The following HCN1 variants were observed in gnomAD, a reference collection of about 807,000 sequenced individuals.
The protein encoded by HCN1 is potassium/sodium hyperpolarization-activated cyclic nucleotide-gated channel 1.
A neutral mutation model predicts 78.9 loss-of-function variants in HCN1; 13 were observed. The ratio of observed to expected loss-of-function variants is 0.16; its 90% confidence interval spans 0.11 to 0.26. The LOEUF is 0.26. HCN1 is among the 10% of genes least tolerant of loss of function. The pLI, the probability that HCN1 is intolerant of heterozygous loss-of-function variation, is 1.00. For synonymous variants in HCN1, 552 were observed against 455.5 expected (o/e 1.21, Z -2.70); for missense variants, 810 against 1,154.3 (o/e 0.70, Z 4.32).
intron 4 of HCN1, among the ~76,000 whole-genome samples, chr5:45,354,114 T>C (rs1019241180): frequency 6.6e-6 from 1 of 151,854 alleles, no homozygotes; most frequent in Non-Finnish European, 1.5e-5. Context: ...AACAGGACCA[T>C]ATAAGCATGG....
At chr5:45,350,268 A>C (rs1746862426) in intron 5 of HCN1, among the ~76,000 whole-genome samples, 1 of 152,228 alleles carries the variant, frequency 6.6e-6, no homozygotes, top group African/African-American at 2.4e-5. Flanking sequence ...AACCAAAGAC[A>C]AAAACTACAT....
intron 6 of HCN1, among the ~76,000 whole-genome samples, chr5:45,285,345 C>A (rs1164906520): frequency 6.6e-6 from 1 of 151,796 alleles, no homozygotes; most frequent in Admixed American, 6.6e-5. Flanking sequence ...ATGTTATTCT[C>A]TGTGCTGGAA....
chr5:45,270,346 G>T (rs1403753613), intron 6 of HCN1, among the ~76,000 whole-genome samples: 2 of 152,128 alleles, frequency 1.3e-5, no homozygotes, highest in Admixed American at 1.3e-4. Context: ...GATTTAAAAC[G>T]GAATATTTGG....
intron 2 of HCN1, among the ~76,000 whole-genome samples, chr5:45,528,151 CTT>C (rs1388788429): frequency 5.3e-5 from 8 of 151,766 alleles, no homozygotes; most frequent in Non-Finnish European, 1.2e-4. Context: ...AAAAGATGAA[CTT>C]TTTAAGCAAT....
At chr5:45,402,865 TC>T (rs755053219) in intron 3 of HCN1, among the ~76,000 whole-genome samples, 10 of 138,024 alleles carry the variant, frequency 7.2e-5, no homozygotes, top group Non-Finnish European at 1.2e-4. Flanking sequence ...CCTTCCTTCC[TC>T]TACTTCCTTC....
In HCN1 at chr5:45,346,223, T is replaced by A. The variant is rs146837613; in HGVS notation, c.1377+6877A>T. On this transcript the variant is annotated intron_variant, in intron 5 of 7. Coordinates refer to ENST00000303230, the MANE Select transcript of HCN1 (RefSeq NM_021072.4). ...ATGTGGGAAATGTAGAAGCTACAGT[T>A]CAACATGACAGGTCATTGACAACTT... Among the ~76,000 whole-genome samples the A allele has an allele frequency of 5.3e-5, 8 of 152,290 alleles. No individual in the cohort carries two copies. In the East Asian group the frequency reaches 1.5e-3, roughly 29 times the overall value.
At chr5:45,462,043 AAT>A in intron 2 of HCN1, 36 bp from the exon 3 acceptor site, 1 of 1,563,406 alleles carries the variant, frequency 6.4e-7, no homozygotes. Context: ...TCTTATAATC[AAT>A]TTTTTAGAAA....
At chr5:45,282,399 G>T (rs897023596) in intron 6 of HCN1, among the ~76,000 whole-genome samples, 5 of 152,158 alleles carry the variant, frequency 3.3e-5, no homozygotes, top group Non-Finnish European at 5.9e-5. Flanking sequence ...TATGTGTAGT[G>T]AGTGGATTTA....
rs1010689534 is a variant in HCN1, at chr5:45,514,035, C to T, written c.850-52028G>A. Among the ~76,000 whole-genome samples, 6 of 152,056 alleles carry T rather than the reference C, an allele frequency of 3.9e-5. No homozygotes were observed. The East Asian group carries it at 1.2e-3, about 29-fold the overall frequency. Reference sequence around the variant, plus strand: ...GATAAGTTTTCACCTGCTAATTTTTCCCTGAAAGTTATAGGATAGAAACTA... The same window carrying T: ...GATAAGTTTTCACCTGCTAATTTTTTCCTGAAAGTTATAGGATAGAAACTA... On this transcript the variant is annotated intron_variant, in intron 2 of 7. Coordinates refer to ENST00000303230, the MANE Select transcript of HCN1 (RefSeq NM_021072.4).
chr5:45,611,208 A>T (rs1744828137), intron 2 of HCN1, among the ~76,000 whole-genome samples: 2 of 142,302 alleles, frequency 1.4e-5, no homozygotes, highest in Non-Finnish European at 3.0e-5. Flanking sequence ...GCATCACCAC[A>T]CCTGCCTAAC....
chr5:45,600,815 A>G (rs1744607199), intron 2 of HCN1, among the ~76,000 whole-genome samples: 1 of 152,150 alleles, frequency 6.6e-6, no homozygotes, highest in South Asian at 2.1e-4. Context: ...CCTAACTTCT[A>G]TATGGGTTAG....
In HCN1 at chr5:45,330,048, A is replaced by G. The variant is rs1746314095; in HGVS notation, c.1377+23052T>C. Reference sequence around the variant, plus strand: ...AGGTTTACGAAAAAAATGCACAATAATATAGAGTGTGTCCATGTGCCCCTT... The same window carrying G: ...AGGTTTACGAAAAAAATGCACAATAGTATAGAGTGTGTCCATGTGCCCCTT... On this transcript the variant is annotated intron_variant, in intron 5 of 7. Transcript: ENST00000303230. Among the ~76,000 whole-genome samples the G allele has an allele frequency of 2.6e-5, 4 of 151,410 alleles. No homozygotes were observed. The Admixed American group carries it at 2.6e-4, about 10-fold the overall frequency.
At chr5:45,663,639 T>A (rs1182799134) in intron 1 of HCN1, among the ~76,000 whole-genome samples, 2 of 150,238 alleles carry the variant, frequency 1.3e-5, no homozygotes, top group Non-Finnish European at 3.0e-5. Flanking sequence ...CATCAAAAAG[T>A]GGGTGAAGGA....
chr5:45,502,059 ACAGT>A (rs1248043530), intron 2 of HCN1, among the ~76,000 whole-genome samples: 1 of 152,214 alleles, frequency 6.6e-6, no homozygotes, highest in Admixed American at 6.5e-5. Context: ...TTTACTAGTC[ACAGT>A]CAGAGTATTA....
intron 2 of HCN1, among the ~76,000 whole-genome samples, chr5:45,579,569 CA>C (rs1180662505): frequency 6.6e-6 from 1 of 151,828 alleles, no homozygotes; most frequent in Non-Finnish European, 1.5e-5. Context: ...TGAGAGCTTA[CA>C]AAAATTAAAA....
intron 4 of HCN1, among the ~76,000 whole-genome samples, chr5:45,372,202 AC>A (rs1747406417): frequency 5.2e-5 from 3 of 57,984 alleles, no homozygotes; most frequent in African/African-American, 1.5e-4. Flanking sequence ...TTAATATAAT[AC>A]ATATTATATA....
At chr5:45,670,625 T>C (rs1358609590) in intron 1 of HCN1, among the ~76,000 whole-genome samples, 1 of 151,752 alleles carries the variant, frequency 6.6e-6, no homozygotes, top group Non-Finnish European at 1.5e-5. Flanking sequence ...CTCAATTTAC[T>C]CTGCTGTAAC....
intron 1 of HCN1, among the ~76,000 whole-genome samples, chr5:45,665,145 G>T (rs1288759013): frequency 2.1e-4 from 32 of 151,998 alleles, no homozygotes; most frequent in Non-Finnish European, 2.2e-4. Flanking sequence ...CATGTACTTT[G>T]TAGGGACATG....
intron 1 of HCN1, among the ~76,000 whole-genome samples, chr5:45,690,552 T>C (rs1171689428): frequency 1.3e-5 from 2 of 152,060 alleles, no homozygotes; most frequent in Non-Finnish European, 2.9e-5. Context: ...AAACATAAAA[T>C]TCCAGGATGC....
Sources: allele counts gnomAD v4.1 joint callset (sites outside exome capture counted in the v4.1 genomes callset), GRCh38; gene constraint gnomAD v4.1.1; transcripts MANE v1.5; gene names NCBI Gene and HGNC (gene_info 2026-07-23, HGNC 2026-07-21).